HIPK2: variants seen among roughly 807,000 people sequenced by gnomAD.
HIPK2 encodes the protein homeodomain-interacting protein kinase 2.
HIPK2 carries 27 observed loss-of-function variants against 113.7 expected under a neutral mutation model. The ratio of observed to expected loss-of-function variants is 0.24; its 90% CI spans 0.17 to 0.33. The LOEUF is 0.33. HIPK2 is among the 10% of genes least tolerant of loss of function. The pLI, the probability that HIPK2 is intolerant of heterozygous loss-of-function variation, is 1.00. For synonymous variants in HIPK2, 631 were observed against 642.2 expected (o/e 0.98, Z 0.26); for missense variants, 1,257 against 1,588.0 (o/e 0.79, Z 3.54).
intron 2 of HIPK2, among the ~76,000 whole-genome samples, chr7:139,691,718 G>A (rs1794409847): frequency 6.6e-6 from 1 of 152,248 alleles, no homozygotes; most frequent in African/African-American, 2.4e-5. Flanking sequence ...CAGCTGGCTT[G>A]ACTCCTTCCT....
At chr7:139,600,044 C>T (rs918919875) in intron 11 of HIPK2, among the ~76,000 whole-genome samples, 3 of 152,158 alleles carry the variant, frequency 2.0e-5, no homozygotes, top group African/African-American at 7.2e-5. Context: ...TCAGTTTAGG[C>T]AGAATCTCCC....
chr7:139,697,863 ATTTTT>A (rs1206821973), intron 2 of HIPK2, among the ~76,000 whole-genome samples: 1 of 135,280 alleles, frequency 7.4e-6, no homozygotes. Context: ...TCTTAATGGA[ATTTTT>A]TTTTTTTTTT....
In HIPK2 at chr7:139,745,292, C is replaced by T. The variant is rs758112316; in HGVS notation, c.20-28277G>A. On this transcript the variant is annotated intron_variant, in intron 1 of 14. Transcript: ENST00000406875. ...TGCTCTGAAAAGTCCCACCAGGGTG[C>T]GACTGTTCCAAGGATCCCTTGGAGC... Among the ~76,000 whole-genome samples, 12 of 152,236 alleles carry T rather than the reference C, an allele frequency of 7.9e-5. No individual in the cohort carries two copies. The South Asian group carries it at 2.5e-3, about 32-fold the overall frequency.
chr7:139,695,722 A>C (rs1326813713), intron 2 of HIPK2, among the ~76,000 whole-genome samples: 1 of 152,226 alleles, frequency 6.6e-6, no homozygotes, highest in Non-Finnish European at 1.5e-5. Flanking sequence ...TCCAAAATAT[A>C]ATCTGCCAAA....
chr7:139,678,047 G>A (rs899854867), intron 2 of HIPK2, among the ~76,000 whole-genome samples: 3 of 152,040 alleles, frequency 2.0e-5, no homozygotes, highest in South Asian at 2.1e-4. Context: ...CATATCCTTC[G>A]GCCACTTTTT....
intron 1 of HIPK2, among the ~76,000 whole-genome samples, chr7:139,752,807 A>G (rs1796300889): frequency 6.6e-6 from 1 of 152,026 alleles, no homozygotes; most frequent in African/African-American, 2.4e-5. Context: ...CTGAAGCATG[A>G]GGGATTTTCC....
chr7:139,577,891 C>T (rs1424618900), intron 13 of HIPK2, among the ~76,000 whole-genome samples: 1 of 152,070 alleles, frequency 6.6e-6, no homozygotes, highest in African/African-American at 2.4e-5. Flanking sequence ...TGCTCTGTCT[C>T]CCAGGCTGGA....
intron 9 of HIPK2, among the ~76,000 whole-genome samples, chr7:139,608,893 C>T (rs1181251055): frequency 6.6e-6 from 1 of 152,084 alleles, no homozygotes; most frequent in Non-Finnish European, 1.5e-5. Flanking sequence ...AGTTTGTTTT[C>T]AGGGAAACAT....
At chr7:139,685,536 G>A (rs113379209) in intron 2 of HIPK2, among the ~76,000 whole-genome samples, 6,099 of 152,280 alleles carry the variant, frequency 0.04, 417 homozygotes, top group African/African-American at 0.14. Flanking sequence ...TAGCTAGAGG[G>A]GAGAAGTCAA....
At chr7:139,641,633 G>A (rs765713029) in intron 2 of HIPK2, among the ~76,000 whole-genome samples, 1 of 152,140 alleles carries the variant, frequency 6.6e-6, no homozygotes, top group Non-Finnish European at 1.5e-5. Context: ...TGGTCCCGTG[G>A]GTCTGAGGAC....
chr7:139,651,712 TAAAC>T (rs931095112), intron 2 of HIPK2, among the ~76,000 whole-genome samples: 79 of 152,306 alleles, frequency 5.2e-4, no homozygotes, highest in Middle Eastern at 3.4e-3. Context: ...TTTCTTTTAT[TAAAC>T]AAACAAACAA....
intron 2 of HIPK2, among the ~76,000 whole-genome samples, chr7:139,661,084 C>A (rs921537214): frequency 3.3e-5 from 5 of 152,058 alleles, no homozygotes; most frequent in Non-Finnish European, 5.9e-5. Context: ...TGATCTATTG[C>A]CAATTTCCTT....
intron 1 of HIPK2, among the ~76,000 whole-genome samples, chr7:139,732,246 C>G (rs1200025410): frequency 6.6e-6 from 1 of 152,182 alleles, no homozygotes; most frequent in Non-Finnish European, 1.5e-5. Context: ...GATCCCTTGG[C>G]AGGGCAACCA....
chr7:139,709,810 G>A (rs765441724), intron 2 of HIPK2, among the ~76,000 whole-genome samples: 1 of 152,174 alleles, frequency 6.6e-6, no homozygotes, highest in Non-Finnish European at 1.5e-5. Flanking sequence ...TTGAAACTAG[G>A]CTCTGAAAGA....
At chr7:139,742,202 C>A (rs73474119) in intron 1 of HIPK2, among the ~76,000 whole-genome samples, 1,677 of 152,308 alleles carry the variant, frequency 0.011, 25 homozygotes, top group African/African-American at 0.039. Flanking sequence ...GGCTTCAAGT[C>A]TGGCTTTGTG....
intron 12 of HIPK2, among the ~76,000 whole-genome samples, chr7:139,593,593 C>T (rs1799098265): frequency 6.6e-6 from 1 of 152,246 alleles, no homozygotes; most frequent in Non-Finnish European, 1.5e-5. Flanking sequence ...GTGGTGGAGG[C>T]ACTGCCATCC....
chr7:139,690,573 G>A (rs1027778907), intron 2 of HIPK2, among the ~76,000 whole-genome samples: 1 of 152,052 alleles, frequency 6.6e-6, no homozygotes, highest in Non-Finnish European at 1.5e-5. Flanking sequence ...TGGGGTGGGG[G>A]GCCAAGGTGG....
At chr7:139,607,495 A>G (rs1219497587) in intron 9 of HIPK2, among the ~76,000 whole-genome samples, 1 of 152,182 alleles carries the variant, frequency 6.6e-6, no homozygotes, top group Admixed American at 6.5e-5. Context: ...ACACATCAAC[A>G]CATCAAACAT....
intron 6 of HIPK2, 174 bp downstream of exon 6, chr7:139,626,427 T>G (rs1038777017): frequency 4.4e-6 from 1 of 226,116 alleles, no homozygotes; most frequent in Non-Finnish European, 7.4e-6. Context: ...AAATGTTTCA[T>G]TAGAATGCAG....
Sources: gnomAD v4.1 joint callset for allele counts (sites outside exome capture counted in the v4.1 genomes callset) on GRCh38, gnomAD v4.1.1 for gene constraint, MANE v1.5 for transcripts, NCBI Gene and HGNC (gene_info 2026-07-23, HGNC 2026-07-21) for gene names.